The following CD38 variants were observed in gnomAD, a reference collection of about 807,000 sequenced individuals.
CD38 encodes the protein ADP-ribosyl cyclase/cyclic ADP-ribose hydrolase 1.
Under a neutral mutation model 36.3 loss-of-function variants are expected in CD38, and 31 were observed. The observed-to-expected ratio is 0.85, with a 90% CI of 0.64 to 1.15. CD38 has a LOEUF of 1.15. Among genes scored for constraint, CD38 ranks in the 50% most tolerant of loss-of-function variants. The probability of loss-of-function intolerance (pLI) is 0.00; values close to 1 mark genes in which losing one functional copy is unlikely to be tolerated. For missense variants in CD38, 380 were observed against 371.9 expected, an observed-to-expected ratio of 1.02 and a Z score of -0.18; for synonymous variants, 131 against 135.2, an observed-to-expected ratio of 0.97 and a Z score of 0.22.
intron 1 of CD38, among the ~76,000 whole-genome samples, chr4:15,782,435 T>A (rs1470430267): frequency 6.6e-6 from 1 of 152,258 alleles, no homozygotes; most frequent in Non-Finnish European, 1.5e-5. Flanking sequence ...TTACCTTTTA[T>A]CAATTAGCTT....
chr4:15,787,495 C>T (rs929613548), intron 1 of CD38, among the ~76,000 whole-genome samples: 1 of 152,188 alleles, frequency 6.6e-6, no homozygotes, highest in African/African-American at 2.4e-5. Context: ...CTTGCAGGGA[C>T]AGGGTGTCTG....
At chr4:15,839,891 C>T (rs1276087809) in intron 5 of CD38, 135 bp from the exon 6 acceptor site, 1 of 696,068 alleles carries the variant, frequency 1.4e-6, no homozygotes, top group South Asian at 1.7e-5. Context: ...AGGTTATTGA[C>T]TGATTTGCAA....
chr4:15,796,179 A>G (rs1723100784), intron 1 of CD38, among the ~76,000 whole-genome samples: 1 of 152,144 alleles, frequency 6.6e-6, no homozygotes, highest in African/African-American at 2.4e-5. Flanking sequence ...ATTTAAAACC[A>G]CAAAAAAAAT....
intron 1 of CD38, among the ~76,000 whole-genome samples, chr4:15,785,970 T>C (rs910005163): frequency 6.6e-6 from 1 of 152,046 alleles, no homozygotes; most frequent in African/African-American, 2.4e-5. Flanking sequence ...TCACGGTGAG[T>C]GTTACAGCTC....
In CD38 at chr4:15,841,752, C is replaced by T. The variant is rs530755509; in HGVS notation, c.839+1214C>T. Reference sequence around the variant, plus strand: ...GCGAGGCATTGCCTCACCTGGGAAGCGCAAGGGGTCAGGGAGTTCCCTTTC... The same window carrying T: ...GCGAGGCATTGCCTCACCTGGGAAGTGCAAGGGGTCAGGGAGTTCCCTTTC... On this transcript the variant is annotated intron_variant, in intron 7 of 7. Coordinates refer to ENST00000226279, the MANE Select transcript of CD38 (RefSeq NM_001775.4). Among the ~76,000 whole-genome samples the T allele has an allele frequency of 4.1e-3, 600 of 147,354 alleles. 3 individuals are homozygous for T. The highest frequency in any genetic ancestry group is 7.3e-3 in the Non-Finnish European group (494 of 67,396).
At chr4:15,786,195 A>T (rs778066632) in intron 1 of CD38, among the ~76,000 whole-genome samples, 2 of 152,198 alleles carry the variant, frequency 1.3e-5, no homozygotes, top group African/African-American at 2.4e-5. Flanking sequence ...AGAAGTGTAG[A>T]ACGGGACGCC....
In CD38 at chr4:15,786,190, T is replaced by C. The variant is rs551057630; in HGVS notation, c.233+7543T>C. On this transcript the variant is annotated intron_variant, in intron 1 of 7. Transcript: ENST00000226279. ...GAACAAAGCTTCCCCAGTGTAGAAG[T>C]GTAGAACGGGACGCCAATGGGTTGC... Among the ~76,000 whole-genome samples, 26 of 152,322 alleles carry C rather than the reference T, an allele frequency of 1.7e-4. No individual in the cohort carries two copies. The South Asian group carries it at 4.8e-3, about 28-fold the overall frequency.
intron 1 of CD38, among the ~76,000 whole-genome samples, chr4:15,785,122 C>G (rs1722785502): frequency 6.6e-6 from 1 of 151,814 alleles, no homozygotes; most frequent in Non-Finnish European, 1.5e-5. Context: ...AACAGGCCTT[C>G]CAGGTGTGGG....
intron 1 of CD38, among the ~76,000 whole-genome samples, chr4:15,795,218 CGT>C (rs143299140): frequency 2.1e-4 from 32 of 149,306 alleles, no homozygotes; most frequent in Non-Finnish European, 2.8e-4. Context: ...GAATTAGTTT[CGT>C]GTGTGTGTGT....
intron 1 of CD38, among the ~76,000 whole-genome samples, chr4:15,792,732 A>G (rs1382060738): frequency 6.6e-6 from 1 of 152,140 alleles, no homozygotes; most frequent in Non-Finnish European, 1.5e-5. Context: ...TCAGTCTGTA[A>G]CTCTAAAAAG....
rs530770494 is a variant in CD38, at chr4:15,839,003, CTTTGTTCTCTAATT to C, written c.659+852_659+865del. Among the ~76,000 whole-genome samples the C allele has an allele frequency of 4.1e-3, 624 of 152,216 alleles. 2 individuals carry two copies. Among genetic ancestry groups the C allele is most frequent in the South Asian group, 0.012 (58 of 4,820 alleles). On this transcript the variant is annotated intron_variant, in intron 5 of 7. Coordinates refer to ENST00000226279, the MANE Select transcript of CD38 (RefSeq NM_001775.4). ...TTACTATGTTGATTACCTTTTCGGC[CTTTGTTCTCTAATT>C]TTTGTTCTCTAATCCCACATAAGGC... is the stretch of plus-strand genomic sequence containing the variant.
At chr4:15,838,826 G>A (rs555560564) in intron 5 of CD38, among the ~76,000 whole-genome samples, 7 of 152,282 alleles carry the variant, frequency 4.6e-5, no homozygotes, top group African/African-American at 1.7e-4. Flanking sequence ...AAGATTAACT[G>A]AGACAACAGA....
chr4:15,818,796 G>GA (rs1406611927), intron 2 of CD38, among the ~76,000 whole-genome samples: 3 of 151,952 alleles, frequency 2.0e-5, no homozygotes, highest in Non-Finnish European at 4.4e-5. Flanking sequence ...ACTGCTAAAA[G>GA]AAAAAACAGA....
chr4:15,787,092 A>C (rs1405082724), intron 1 of CD38, among the ~76,000 whole-genome samples: 2 of 152,120 alleles, frequency 1.3e-5, no homozygotes, highest in Non-Finnish European at 2.9e-5. Context: ...CTCTCTCTCT[A>C]CACCTCCGCT....
chr4:15,783,963 G>T (rs1014560604), intron 1 of CD38, among the ~76,000 whole-genome samples: 9 of 152,198 alleles, frequency 5.9e-5, no homozygotes, highest in Admixed American at 3.9e-4. Flanking sequence ...CCTAATGCTA[G>T]GGTGAGACAT....
chr4:15,822,789 C>T (rs893427562), intron 2 of CD38, among the ~76,000 whole-genome samples: 1 of 152,124 alleles, frequency 6.6e-6, no homozygotes, highest in African/African-American at 2.4e-5. Context: ...GTGCTATTCC[C>T]ATTAAACTAC....
At chr4:15,795,434 T>C (rs532521479) in intron 1 of CD38, among the ~76,000 whole-genome samples, 4 of 152,254 alleles carry the variant, frequency 2.6e-5, no homozygotes, top group East Asian at 3.8e-4. Context: ...AAAGAGTAAA[T>C]GTAGCAAGAT....
At chr4:15,800,787 A>T (rs1723203609) in intron 1 of CD38, among the ~76,000 whole-genome samples, 1 of 152,160 alleles carries the variant, frequency 6.6e-6, no homozygotes, top group African/African-American at 2.4e-5. Flanking sequence ...TATGGAATAC[A>T]GTAAAAGCAG....
chr4:15,794,261 G>C (rs552931480), intron 1 of CD38, among the ~76,000 whole-genome samples: 1 of 152,288 alleles, frequency 6.6e-6, no homozygotes, highest in East Asian at 1.9e-4. Context: ...TCAGTTATCA[G>C]ATTGAAAAAG....
Sources: allele counts gnomAD v4.1 joint callset (sites outside exome capture counted in the v4.1 genomes callset), GRCh38; gene constraint gnomAD v4.1.1; transcripts MANE v1.5; gene names NCBI Gene and HGNC (gene_info 2026-07-23, HGNC 2026-07-21).